CNTNAP5: variants seen among roughly 807,000 people sequenced by gnomAD.
The protein encoded by CNTNAP5 is contactin-associated protein-like 5.
A neutral mutation model predicts 150.2 loss-of-function variants in CNTNAP5; 72 were observed. The observed-to-expected ratio is 0.48, with a 90% CI of 0.40 to 0.58. The LOEUF is 0.58. Ranked by LOEUF, CNTNAP5 falls within the 20% of genes least tolerant of loss-of-function variation. The pLI is 0.00. For missense variants in CNTNAP5, 1,636 were observed against 1,626.2 expected, an observed-to-expected ratio of 1.01 and a Z score of -0.10; for synonymous variants, 672 against 619.8, an observed-to-expected ratio of 1.08 and a Z score of -1.25.
intron 3 of CNTNAP5, among the ~76,000 whole-genome samples, chr2:124,308,651 G>A (rs113544087): frequency 3.3e-5 from 5 of 152,276 alleles, no homozygotes; most frequent in African/African-American, 1.2e-4. Flanking sequence ...GAGAAAACTT[G>A]CCTCTTGAAC....
chr2:124,043,560 C>T (rs926842919), intron 1 of CNTNAP5, among the ~76,000 whole-genome samples: 21 of 152,126 alleles, frequency 1.4e-4, no homozygotes, highest in African/African-American at 5.1e-4. Flanking sequence ...TTCCCTTGGA[C>T]TTCCCATCAT....
chr2:124,170,523 A>G lies in CNTNAP5; in HGVS notation c.83-51182A>G, dbSNP rs79558171. Among the ~76,000 whole-genome samples the G allele has an allele frequency of 8.0e-3, 1,223 of 152,296 alleles. 11 individuals are homozygous for G. The highest frequency in any genetic ancestry group is 0.026 in the African/African-American group (1,088 of 41,572). ...CACAGCCAGTGTCCTCTGCCATTCTATGAAAGGCAGGCAAGAGTGCCGCAG... is the reference window on the plus strand; with the variant it reads ...CACAGCCAGTGTCCTCTGCCATTCTGTGAAAGGCAGGCAAGAGTGCCGCAG... On this transcript the variant is annotated intron_variant, in intron 1 of 23. Coordinates refer to ENST00000682447, the MANE Select transcript of CNTNAP5 (RefSeq NM_001367498.1).
At position 124,786,414 on chromosome 2, in the gene CNTNAP5, G is replaced by A. The variant is rs1308641784; in HGVS notation, c.2753-3488G>A. Among the ~76,000 whole-genome samples the A allele has an allele frequency of 2.7e-3, 242 of 90,122 alleles. 2 individuals are homozygous for A. Among genetic ancestry groups the A allele is most frequent in the African/African-American group, 0.011 (199 of 17,502 alleles). 59.1% of individuals were successfully genotyped at this position (90,122 alleles called of 152,430 possible). On this transcript the variant is annotated intron_variant, in intron 17 of 23. Coordinates refer to ENST00000682447, the MANE Select transcript of CNTNAP5 (RefSeq NM_001367498.1). ...AAGAAAGAAAGAAGGAAGGAAGGAA[G>A]GAAGGAAGGAAGGAAGGAAGGAAGG...
intron 4 of CNTNAP5, among the ~76,000 whole-genome samples, chr2:124,418,926 A>G (rs2104778272): frequency 6.6e-6 from 1 of 150,998 alleles, no homozygotes; most frequent in African/African-American, 2.4e-5. Context: ...CGAGGTCAGG[A>G]GATCGAGACC....
chr2:124,735,767 C>T (rs913084279), intron 13 of CNTNAP5, among the ~76,000 whole-genome samples: 6 of 152,038 alleles, frequency 3.9e-5, no homozygotes, highest in African/African-American at 1.4e-4. Flanking sequence ...TTTGCTAATC[C>T]ATTGTTAGCT....
At chr2:124,203,931 T>C (rs907531149) in intron 1 of CNTNAP5, among the ~76,000 whole-genome samples, 4 of 152,210 alleles carry the variant, frequency 2.6e-5, no homozygotes, top group Admixed American at 6.5e-5. Context: ...GGCGCCTTGT[T>C]ACTTATGCAA....
chr2:124,458,313 A>G (rs940120448), intron 6 of CNTNAP5, among the ~76,000 whole-genome samples: 1 of 96,730 alleles, frequency 1.0e-5, no homozygotes, highest in African/African-American at 4.0e-5. Context: ...ATATATATAT[A>G]TATAAAATGG....
chr2:124,283,721 C>T (rs565488132), intron 3 of CNTNAP5, among the ~76,000 whole-genome samples: 9 of 152,284 alleles, frequency 5.9e-5, no homozygotes, highest in Non-Finnish European at 1.3e-4. Flanking sequence ...ATTTGCTTCT[C>T]ACAGTTCTAG....
chr2:124,437,471 C>T (rs1692562007), intron 5 of CNTNAP5, among the ~76,000 whole-genome samples: 1 of 152,052 alleles, frequency 6.6e-6, no homozygotes, highest in Non-Finnish European at 1.5e-5. Flanking sequence ...AGTGTAGCTA[C>T]TATTACCATC....
intron 10 of CNTNAP5, among the ~76,000 whole-genome samples, chr2:124,528,012 T>A (rs1695016333): frequency 1.3e-5 from 2 of 152,178 alleles, no homozygotes; most frequent in Admixed American, 6.5e-5. Flanking sequence ...ATCTGGCTCT[T>A]CTTATATTAG....
At chr2:124,707,151 AAGAAGAAG>A (rs1679700198) in intron 13 of CNTNAP5, among the ~76,000 whole-genome samples, 4 of 57,982 alleles carry the variant, frequency 6.9e-5, no homozygotes, top group African/African-American at 1.8e-4. Flanking sequence ...GAAGAAGAAG[AAGAAGAAG>A]AAGAAGAAGA....
At position 124,916,319 on chromosome 2, in the gene CNTNAP5, G is replaced by T. The variant is rs1308523532; in HGVS notation, c.*2031G>T. 2.0e-5 allele frequency among the ~76,000 whole-genome samples: 3 copies of T among 151,908 alleles called. No individual in the cohort carries two copies. The highest frequency in any genetic ancestry group is 1.5e-5 in the Non-Finnish European group (1 of 67,968). On this transcript the variant is annotated 3_prime_UTR_variant, in exon 24 of 24. Coordinates refer to ENST00000682447, the MANE Select transcript of CNTNAP5 (RefSeq NM_001367498.1). ...TGAATGATTCTTTAGTAAGATGAAG[G>T]ATCTTTAAACACTGTTTTCCCCTGC...
chr2:124,326,812 CA>C (rs1341415454), intron 3 of CNTNAP5, among the ~76,000 whole-genome samples: 2 of 151,674 alleles, frequency 1.3e-5, no homozygotes, highest in African/African-American at 4.8e-5. Context: ...TACATACATA[CA>C]TACAAATATT....
intron 1 of CNTNAP5, among the ~76,000 whole-genome samples, chr2:124,195,593 C>A (rs148751145): frequency 2.0e-5 from 3 of 152,066 alleles, no homozygotes; most frequent in African/African-American, 7.2e-5. Context: ...TCCTGTATAT[C>A]CCAATTCCTT....
chr2:124,390,284 T>C (rs887367157), intron 3 of CNTNAP5, among the ~76,000 whole-genome samples: 4 of 152,216 alleles, frequency 2.6e-5, no homozygotes, highest in African/African-American at 4.8e-5. Context: ...CCGATTAACT[T>C]CTCACCTGTC....
At chr2:124,404,067 A>C (rs1416755759) in intron 3 of CNTNAP5, among the ~76,000 whole-genome samples, 4 of 152,282 alleles carry the variant, frequency 2.6e-5, no homozygotes, top group Middle Eastern at 3.4e-3. Flanking sequence ...GTGGGGACAC[A>C]GCCAAACCGT....
chr2:124,235,256 T>C (rs572332660), intron 2 of CNTNAP5, among the ~76,000 whole-genome samples: 84 of 152,262 alleles, frequency 5.5e-4, no homozygotes, highest in Non-Finnish European at 9.4e-4. Flanking sequence ...GCAAGAAGGC[T>C]TCTCTTTGGC....
intron 11 of CNTNAP5, among the ~76,000 whole-genome samples, chr2:124,568,884 A>T (rs918629390): frequency 2.6e-5 from 4 of 152,072 alleles, no homozygotes; most frequent in Non-Finnish European, 2.9e-5. Context: ...TCTCTACTAA[A>T]AAAAATACAA....
intron 21 of CNTNAP5, 55 bp downstream of exon 21, chr2:124,869,817 C>A (rs887621522): frequency 1.9e-6 from 2 of 1,041,150 alleles, no homozygotes; most frequent in Non-Finnish European, 3.0e-6. Flanking sequence ...TAAATGAATG[C>A]ATAATTTTCA....
Sources: allele counts gnomAD v4.1 joint callset (sites outside exome capture counted in the v4.1 genomes callset), GRCh38; gene constraint gnomAD v4.1.1; transcripts MANE v1.5; gene names NCBI Gene and HGNC (gene_info 2026-07-23, HGNC 2026-07-21).